Variants in TPH2 observed in about 807,000 individuals in gnomAD.
TPH2 encodes tryptophan 5-hydroxylase 2.
TPH2 carries 27 observed loss-of-function variants against 59.1 expected under a neutral mutation model. The ratio of observed to expected loss-of-function variants is 0.46; its 90% confidence interval spans 0.34 to 0.63. TPH2 has a LOEUF of 0.63. TPH2 is among the 30% of genes least tolerant of loss of function. The pLI is 0.01. For missense variants in TPH2, 523 were observed against 588.3 expected, an observed-to-expected ratio of 0.89 and a Z score of 1.15; for synonymous variants, 220 against 210.5, an observed-to-expected ratio of 1.05 and a Z score of -0.39.
chr12:72,011,184 A>G (rs1283696633), intron 8 of TPH2, among the ~76,000 whole-genome samples: 1 of 152,212 alleles, frequency 6.6e-6, no homozygotes, highest in Non-Finnish European at 1.5e-5. Context: ...AAGAAGAGCC[A>G]AACTCTGTCA....
At chr12:71,992,344 G>T (rs1313982157) in intron 7 of TPH2, among the ~76,000 whole-genome samples, 1 of 152,164 alleles carries the variant, frequency 6.6e-6, no homozygotes, top group African/African-American at 2.4e-5. Flanking sequence ...CACTTTGGGA[G>T]GCCGAGGTGG....
At position 72,031,397 on chromosome 12, in the gene TPH2, C is replaced by CT. The variant is rs750480640; in HGVS notation, c.1298+14dup. 1.2e-6 allele frequency: 2 copies of CT among 1,613,510 alleles called. No individual in the cohort carries two copies. The highest frequency in any genetic ancestry group is 8.5e-7 in the Non-Finnish European group (1 of 1,179,544). The stretch of plus-strand genomic sequence containing the variant: ...GAAGCCAAAGAAAAGATGAGGTAAA[C>CT]TTTTTTTTCCTCCTAGCTAGAGAAA... On this transcript the variant is annotated splice_region_variant and intron_variant, in intron 10 of 10. Transcript: ENST00000333850.
At chr12:71,998,820 A>G (rs537251946) in intron 8 of TPH2, among the ~76,000 whole-genome samples, 2 of 152,348 alleles carry the variant, frequency 1.3e-5, no homozygotes, top group South Asian at 4.1e-4. Context: ...GCACCAAAGG[A>G]GAAAAATCTA....
chr12:71,974,445 G>A (rs1872059266), intron 6 of TPH2, among the ~76,000 whole-genome samples: 1 of 152,052 alleles, frequency 6.6e-6, no homozygotes, highest in African/African-American at 2.4e-5. Flanking sequence ...TTGGCTCGTG[G>A]ACTCTTCTTT....
intron 5 of TPH2, among the ~76,000 whole-genome samples, chr12:71,951,835 G>A (rs1871358114): frequency 1.3e-5 from 2 of 152,060 alleles, no homozygotes; most frequent in South Asian, 4.1e-4. Context: ...AGACCAGCCT[G>A]ACCAACATGG....
rs143194666 is a variant in TPH2 at position 71,944,344 on chromosome 12, A to G, written c.306A>G (p.Arg102=). 1 of 1,613,872 alleles carries G rather than the reference A, an allele frequency of 6.2e-7. No homozygotes were observed. Among genetic ancestry groups the G allele is most frequent in the African/African-American group, 1.3e-5 (1 of 75,002 alleles). The part of the protein sequence containing the change: ...VHIESRKSRR[R]SSEVEIFVDC... ...TTGAATCCAGGAAATCTCGGCGAAG[A>G]AGTTCTGAGGTTGAAATCTTTGTGG... Residue 102 remains arginine (R), a synonymous_variant, in exon 3 of 11, where the codon AGA becomes AGG. Transcript: ENST00000333850.
chr12:72,029,539 G>T (rs1347272731), intron 9 of TPH2, among the ~76,000 whole-genome samples: 1 of 152,180 alleles, frequency 6.6e-6, no homozygotes, highest in African/African-American at 2.4e-5. Context: ...CTGTGAATAT[G>T]TTTCTAAAAT....
intron 10 of TPH2, 50 bp from the exon 11 acceptor site, chr12:72,031,471 G>C: frequency 6.2e-7 from 1 of 1,610,190 alleles, no homozygotes; most frequent in South Asian, 1.1e-5. Flanking sequence ...TCTATCCCTC[G>C]TACCAATGAG....
At chr12:72,020,143 G>T (rs1345127044) in intron 8 of TPH2, among the ~76,000 whole-genome samples, 1 of 152,142 alleles carries the variant, frequency 6.6e-6, no homozygotes, top group African/African-American at 2.4e-5. Context: ...AGACATTTTT[G>T]GTTGTTACAA....
At chr12:71,959,067 T>C (rs1384993285) in intron 5 of TPH2, among the ~76,000 whole-genome samples, 1 of 151,478 alleles carries the variant, frequency 6.6e-6, no homozygotes, top group Admixed American at 6.6e-5. Flanking sequence ...AGGGCATTTT[T>C]TTTTTTTTTA....
intron 8 of TPH2, among the ~76,000 whole-genome samples, chr12:72,009,221 T>C (rs1368280915): frequency 6.6e-6 from 1 of 152,110 alleles, no homozygotes; most frequent in Non-Finnish European, 1.5e-5. Flanking sequence ...GTCCTGCCTC[T>C]ACTGATTGAT....
rs140477042 is a variant in TPH2 at position 71,951,369 on chromosome 12, G to A, written c.608+1714G>A. On this transcript the variant is annotated intron_variant, in intron 5 of 10. Transcript: ENST00000333850. Reference sequence around the variant, plus strand: ...GGGGGTGTGGGCAGGGCAGTTCTTTGTAGCATGACCAGCCAGAACATGGTA... The same window carrying A: ...GGGGGTGTGGGCAGGGCAGTTCTTTATAGCATGACCAGCCAGAACATGGTA... Among the ~76,000 whole-genome samples, 245 of 152,238 alleles carry A rather than the reference G, an allele frequency of 1.6e-3. 1 individual carries two copies. Among genetic ancestry groups the A allele is most frequent in the African/African-American group, 5.6e-3 (233 of 41,540 alleles).
chr12:72,010,372 C>T (rs1228703716), intron 8 of TPH2, among the ~76,000 whole-genome samples: 8 of 152,268 alleles, frequency 5.3e-5, no homozygotes, highest in East Asian at 3.9e-4. Context: ...CTCAATGTGA[C>T]GGGGACCCCA....
chr12:71,987,686 C>G (rs1362000746), intron 7 of TPH2, among the ~76,000 whole-genome samples: 2 of 152,100 alleles, frequency 1.3e-5, no homozygotes, highest in African/African-American at 4.8e-5. Context: ...CCCGTCTCTA[C>G]TAAAAATACA....
intron 8 of TPH2, among the ~76,000 whole-genome samples, chr12:72,020,040 TTA>T (rs1873367138): frequency 6.6e-6 from 1 of 152,254 alleles, no homozygotes; most frequent in Admixed American, 6.5e-5. Context: ...CCAGTGCTTA[TTA>T]GGCTCTTGTT....
At chr12:72,029,871 T>C (rs968269219) in intron 9 of TPH2, among the ~76,000 whole-genome samples, 1 of 152,150 alleles carries the variant, frequency 6.6e-6, no homozygotes, top group African/African-American at 2.4e-5. Context: ...TGTAAATCAT[T>C]CCATGCATTT....
At position 72,008,436 on chromosome 12, in the gene TPH2, T is replaced by A. The variant is rs552239379; in HGVS notation, c.1068+13871T>A. Among the ~76,000 whole-genome samples, 7 of 152,262 alleles carry A rather than the reference T, an allele frequency of 4.6e-5. No homozygotes were observed. In the East Asian group the frequency reaches 1.4e-3, roughly 30 times the overall value. On this transcript the variant is annotated intron_variant, in intron 8 of 10. Transcript: ENST00000333850. The stretch of plus-strand genomic sequence containing the variant: ...ACACAGATAATGCTGTTCCTTATTG[T>A]CCCAGGGCAGGGAATCTTAACCTGA...
At chr12:71,954,667 AT>A (rs927360247) in intron 5 of TPH2, among the ~76,000 whole-genome samples, 1 of 152,178 alleles carries the variant, frequency 6.6e-6, no homozygotes, top group African/African-American at 2.4e-5. Flanking sequence ...GTGCCTTCAT[AT>A]TTGAATCTCA....
At position 71,939,461 on chromosome 12, in the gene TPH2, G is replaced by A. The variant is rs150102165; in HGVS notation, c.105+370G>A. ...AAGCCGTTTATTATGAGGAGGAGGA[G>A]TAGGGAGAACAAATTAAATAAATTT... is the stretch of plus-strand genomic sequence containing the variant. On this transcript the variant is annotated intron_variant, in intron 1 of 10. Transcript: ENST00000333850. Among the ~76,000 whole-genome samples the A allele has an allele frequency of 2.7e-3, 412 of 151,338 alleles. 2 individuals are homozygous for A. The highest frequency in any genetic ancestry group is 0.01 in the Middle Eastern group (3 of 290).
Sources: gnomAD v4.1 joint callset for allele counts (sites outside exome capture counted in the v4.1 genomes callset) on GRCh38, gnomAD v4.1.1 for gene constraint, MANE v1.5 for transcripts, NCBI Gene and HGNC (gene_info 2026-07-23, HGNC 2026-07-21) for gene names.